The following SYT16 variants were observed in gnomAD, a reference collection of about 807,000 sequenced individuals.
The protein encoded by SYT16 is synaptotagmin-16.
A neutral mutation model predicts 61.4 loss-of-function variants in SYT16; 42 were observed. The ratio of observed to expected loss-of-function variants is 0.68; its 90% CI spans 0.53 to 0.89. SYT16 has a LOEUF of 0.89. Among genes scored for constraint, SYT16 ranks in the 40% least tolerant of loss-of-function variants. The probability of loss-of-function intolerance (pLI) is 0.00; values close to 1 mark genes in which losing one functional copy is unlikely to be tolerated. For missense variants in SYT16, 804 were observed against 807.3 expected (o/e 1.00, Z 0.05); for synonymous variants, 314 against 302.3 (o/e 1.04, Z -0.40).
chr14:61,914,493 G>A (rs117070370), intron 1 of SYT16, among the ~76,000 whole-genome samples: 2,121 of 152,192 alleles, frequency 0.014, 25 homozygotes, highest in Middle Eastern at 0.051. Context: ...TGTCCAGTAG[G>A]CCTCTCTAAT....
At chr14:62,045,574 G>C (rs1156911949) in intron 3 of SYT16, among the ~76,000 whole-genome samples, 1 of 151,988 alleles carries the variant, frequency 6.6e-6, no homozygotes, top group Non-Finnish European at 1.5e-5. Flanking sequence ...TTAACATTAG[G>C]TATATCTCCT....
intron 1 of SYT16, among the ~76,000 whole-genome samples, chr14:61,824,821 A>G (rs1455602827): frequency 6.6e-6 from 1 of 152,172 alleles, no homozygotes; most frequent in African/African-American, 2.4e-5. Flanking sequence ...TACTTTCATA[A>G]TAATAAGAAT....
chr14:62,075,518 A>C lies in SYT16; in HGVS notation c.993+127A>C, dbSNP rs188577073. The C allele has an allele frequency of 2.3e-4, 273 of 1,178,664 alleles. 6 individuals carry two copies. The Admixed American group carries it at 7.8e-3, about 34-fold the overall frequency. The allele number at this position is 1,178,664 out of a possible 1,614,324, so 73.0% of individuals were successfully genotyped here. On this transcript the variant is annotated intron_variant, in intron 5 of 7. Coordinates refer to ENST00000683842, the MANE Select transcript of SYT16 (RefSeq NM_001367656.1). The stretch of plus-strand genomic sequence containing the variant: ...GGAAGCATTACTTTTATCTGCAATA[A>C]ATTTTTGTCCAGATGACCAAAATCC...
rs1401394270 is a variant in SYT16, at chr14:62,111,018, C to A, written c.*10311C>A. The A allele has an allele frequency of 6.6e-6, 1 of 151,982 alleles. No homozygotes were observed. Among genetic ancestry groups the A allele is most frequent in the Non-Finnish European group, 1.5e-5 (1 of 67,904 alleles). 9.4% of individuals were successfully genotyped at this position (151,982 alleles called of 1,614,324 possible). A position where few individuals can be genotyped will look rare whatever the true frequency, so the allele number is the denominator to read the frequency against. On this transcript the variant is annotated 3_prime_UTR_variant, in exon 8 of 8. Transcript: ENST00000683842. ...CAGAAAAAGTAAAGATTTAAAAAATCATTTTTAAGGTACATCCAAGATTTC... is the reference window on the plus strand; with the variant it reads ...CAGAAAAAGTAAAGATTTAAAAAATAATTTTTAAGGTACATCCAAGATTTC...
At chr14:62,076,205 G>T (rs1436098430) in intron 5 of SYT16, among the ~76,000 whole-genome samples, 1 of 152,112 alleles carries the variant, frequency 6.6e-6, no homozygotes, top group East Asian at 1.9e-4. Context: ...CCATTAGATA[G>T]ATCCCTCCTA....
At chr14:61,910,649 C>T (rs1308022487) in intron 1 of SYT16, among the ~76,000 whole-genome samples, 1 of 151,946 alleles carries the variant, frequency 6.6e-6, no homozygotes, top group African/African-American at 2.4e-5. Context: ...CTATCTCAGC[C>T]TCCCGAGTAG....
chr14:61,899,952 A>G (rs1313048706), intron 1 of SYT16, among the ~76,000 whole-genome samples: 2 of 152,206 alleles, frequency 1.3e-5, no homozygotes, highest in African/African-American at 4.8e-5. Flanking sequence ...GATTGATAAA[A>G]TGACTGACAT....
Position 62,112,050 on chromosome 14 carries a change from A to G in SYT16, c.*11343A>G, listed in dbSNP as rs1239842273. 1 of 152,142 alleles carries G rather than the reference A, an allele frequency of 6.6e-6. No individual in the cohort carries two copies. Among genetic ancestry groups the G allele is most frequent in the East Asian group, 1.9e-4 (1 of 5,202 alleles). 9.4% of individuals were successfully genotyped at this position (152,142 alleles called of 1,614,324 possible). ...AATTTTTTAATTGTTAAAAACTGGA[A>G]TACCTTTCTACCTTTTGTAGTCTTT... On this transcript the variant is annotated 3_prime_UTR_variant, in exon 8 of 8. Coordinates refer to ENST00000683842, the MANE Select transcript of SYT16 (RefSeq NM_001367656.1).
chr14:61,908,824 TC>T (rs1371054337), intron 1 of SYT16, among the ~76,000 whole-genome samples: 3 of 152,062 alleles, frequency 2.0e-5, no homozygotes, highest in Admixed American at 6.5e-5. Context: ...TTTCTTCCTT[TC>T]TTTCCTTTCT....
At chr14:61,855,457 C>G (rs1448448288) in intron 1 of SYT16, among the ~76,000 whole-genome samples, 1 of 152,200 alleles carries the variant, frequency 6.6e-6, no homozygotes, top group Non-Finnish European at 1.5e-5. Flanking sequence ...AACACTTATA[C>G]TGGCCTAGAG....
At chr14:61,853,782 A>C (rs2046689449) in intron 1 of SYT16, among the ~76,000 whole-genome samples, 1 of 152,186 alleles carries the variant, frequency 6.6e-6, no homozygotes, top group Non-Finnish European at 1.5e-5. Flanking sequence ...ATGGGTTTTT[A>C]AGGAAGGAGC....
At chr14:62,085,403 CTAGAAGGGAGTAGAG>C (rs1415950135) in intron 7 of SYT16, among the ~76,000 whole-genome samples, 3 of 152,080 alleles carry the variant, frequency 2.0e-5, no homozygotes, top group Non-Finnish European at 4.4e-5. Flanking sequence ...GGAAGGTAAA[CTAGAAGGGAGTAGAG>C]TAGAGGGCTA....
Position 61,964,400 on chromosome 14 carries a change from G to A in SYT16, c.-324-5732G>A, listed in dbSNP as rs150751283. Among the ~76,000 whole-genome samples the A allele has an allele frequency of 7.7e-3, 1,174 of 152,286 alleles. 5 individuals are homozygous for A. The highest frequency in any genetic ancestry group is 0.017 in the Middle Eastern group (5 of 294). On this transcript the variant is annotated intron_variant, in intron 1 of 7. Transcript: ENST00000683842. Reference sequence around the variant, plus strand: ...TGTGGGGCTCAAGATTTCAGTGGAAGAAGTAACTGCAAATGTGATGGAAAT... The same window carrying A: ...TGTGGGGCTCAAGATTTCAGTGGAAAAAGTAACTGCAAATGTGATGGAAAT...
intron 1 of SYT16, among the ~76,000 whole-genome samples, chr14:61,846,464 A>G (rs1450433829): frequency 1.3e-5 from 2 of 152,112 alleles, no homozygotes; most frequent in African/African-American, 2.4e-5. Flanking sequence ...TTTGTCTGAT[A>G]TAAGTATAGT....
intron 3 of SYT16, among the ~76,000 whole-genome samples, chr14:61,998,790 G>A (rs2052873074): frequency 6.6e-6 from 1 of 151,824 alleles, no homozygotes; most frequent in Non-Finnish European, 1.5e-5. Flanking sequence ...CAGTAGTTAG[G>A]TGCAGGCTTC....
intron 7 of SYT16, among the ~76,000 whole-genome samples, chr14:62,089,603 A>T (rs910671816): frequency 3.3e-5 from 5 of 152,222 alleles, no homozygotes; most frequent in African/African-American, 7.2e-5. Flanking sequence ...TATAAACATA[A>T]ATAAGTACGG....
intron 3 of SYT16, among the ~76,000 whole-genome samples, chr14:62,066,980 T>C (rs144854151): frequency 1.3e-5 from 2 of 152,084 alleles, no homozygotes; most frequent in African/African-American, 4.8e-5. Context: ...CTGTAAGAGG[T>C]CAGGGAAGGA....
intron 1 of SYT16, among the ~76,000 whole-genome samples, chr14:61,925,641 T>C (rs1416067156): frequency 5.3e-5 from 8 of 152,236 alleles, no homozygotes; most frequent in Non-Finnish European, 1.0e-4. Flanking sequence ...TGTTCTCTTA[T>C]GAAAATTTCC....
chr14:61,838,985 G>T (rs115960328), intron 1 of SYT16, among the ~76,000 whole-genome samples: 1 of 66,612 alleles, frequency 1.5e-5, no homozygotes, highest in African/African-American at 5.0e-5. Context: ...CCACCCCCCC[G>T]CCATGGTCTA....
Sources: allele counts gnomAD v4.1 joint callset (sites outside exome capture counted in the v4.1 genomes callset), GRCh38; gene constraint gnomAD v4.1.1; transcripts MANE v1.5; gene names NCBI Gene and HGNC (gene_info 2026-07-23, HGNC 2026-07-21).